Variants in BTD observed in about 807,000 individuals in gnomAD.
BTD encodes biotinidase, also known as biocytinase.
A neutral mutation model predicts 17.7 loss-of-function variants in BTD; 13 were observed. The observed-to-expected ratio is 0.74, with a 90% CI of 0.48 to 1.17. The LOEUF (loss-of-function observed/expected upper bound fraction) is 1.17. BTD is among the 50% of genes most tolerant of loss of function. The probability of loss-of-function intolerance (pLI) is 0.00; values close to 1 mark genes in which losing one functional copy is unlikely to be tolerated. For synonymous variants in BTD, 240 were observed against 245.2 expected (o/e 0.98, Z 0.20); for missense variants, 674 against 650.4 (o/e 1.04, Z -0.39).
chr3:15,631,145 C>T (rs1402677732), intron 1 of BTD, among the ~76,000 whole-genome samples: 2 of 152,276 alleles, frequency 1.3e-5, no homozygotes, highest in African/African-American at 4.8e-5. Context: ...CAATGTTTTT[C>T]TTGGCATTCA....
intron 3 of BTD, among the ~76,000 whole-genome samples, chr3:15,706,335 G>T (rs970929743): frequency 6.6e-6 from 1 of 151,202 alleles, no homozygotes; most frequent in Non-Finnish European, 1.5e-5. Context: ...GTGAGAACAT[G>T]TGGTGTTTGG....
chr3:15,615,259 C>A (rs559400810), intron 1 of BTD, among the ~76,000 whole-genome samples: 1 of 152,244 alleles, frequency 6.6e-6, no homozygotes, highest in South Asian at 2.1e-4. Flanking sequence ...GAATCATGAA[C>A]CCACATAAGG....
At chr3:15,644,044 A>T (rs963878066) in intron 3 of BTD, among the ~76,000 whole-genome samples, 2 of 151,056 alleles carry the variant, frequency 1.3e-5, no homozygotes, top group African/African-American at 4.9e-5. Context: ...TCTGTCGCCC[A>T]GGCTGGAGTG....
chr3:15,618,005 G>T (rs912591416), intron 1 of BTD, among the ~76,000 whole-genome samples: 2 of 152,176 alleles, frequency 1.3e-5, no homozygotes, highest in African/African-American at 2.4e-5. Context: ...ATCCAGGCTG[G>T]AATGCAGTGG....
intron 3 of BTD, among the ~76,000 whole-genome samples, chr3:15,659,265 C>T (rs1341380881): frequency 6.6e-6 from 1 of 151,980 alleles, no homozygotes; most frequent in Non-Finnish European, 1.5e-5. Flanking sequence ...TAATGAAGGT[C>T]GTGCTTCCAC....
At chr3:15,655,849 C>A (rs2065866207), downstream of BTD, among the ~76,000 whole-genome samples, 1 of 152,228 alleles carries the variant, frequency 6.6e-6, no homozygotes, top group South Asian at 2.1e-4. Context: ...GTTGCCCAGG[C>A]TGGAGTGCAG....
intron 1 of BTD, among the ~76,000 whole-genome samples, chr3:15,618,430 G>A (rs540228493): frequency 1.3e-5 from 2 of 152,248 alleles, no homozygotes; most frequent in East Asian, 3.9e-4. Context: ...ACAGAGTTTT[G>A]TAGTTTTTTC....
intron 1 of BTD, among the ~76,000 whole-genome samples, chr3:15,619,412 C>T (rs890064932): frequency 6.6e-6 from 1 of 152,200 alleles, no homozygotes; most frequent in African/African-American, 2.4e-5. Flanking sequence ...CCTCCACCTC[C>T]TAGGCCATGT....
intron 1 of BTD, among the ~76,000 whole-genome samples, chr3:15,603,924 G>C (rs891135459): frequency 1.3e-5 from 2 of 152,166 alleles, no homozygotes; most frequent in African/African-American, 2.4e-5. Flanking sequence ...CCACAGCCTT[G>C]GGCAGCTCTG....
At chr3:15,641,496 T>A (rs767748178) in intron 2 of BTD, among the ~76,000 whole-genome samples, 3 of 152,224 alleles carry the variant, frequency 2.0e-5, no homozygotes, top group Non-Finnish European at 2.9e-5. Flanking sequence ...ACCACCAGAC[T>A]GAAGATACCA....
At chr3:15,698,134 C>T (rs112680227) in intron 3 of BTD, among the ~76,000 whole-genome samples, 8 of 151,906 alleles carry the variant, frequency 5.3e-5, no homozygotes, top group African/African-American at 1.7e-4. Context: ...GTCTTGCTAG[C>T]GGTCTGTCTG....
intron 1 of BTD, among the ~76,000 whole-genome samples, chr3:15,630,688 T>C (rs569441966): frequency 3.9e-4 from 59 of 152,360 alleles, no homozygotes; most frequent in African/African-American, 1.3e-3. Context: ...AGCTGGAATT[T>C]TTTTTGAAAG....
chr3:15,644,096 G>C lies in BTD; in HGVS notation c.400-220G>C, dbSNP rs1241250313. On this transcript the variant is annotated intron_variant, in intron 3 of 3. Transcript: ENST00000643237. ...GCTCACTGCAAGCTCCGCCTACTGG[G>C]TTCACGCCATTCTCCTGCCTCAGCC... Among the ~76,000 whole-genome samples, 3 of 151,930 alleles carry C rather than the reference G, an allele frequency of 2.0e-5. No homozygotes were observed. The East Asian group carries it at 5.8e-4, about 29-fold the overall frequency.
chr3:15,672,075 C>G (rs1298098030), intron 3 of BTD, among the ~76,000 whole-genome samples: 1 of 151,852 alleles, frequency 6.6e-6, no homozygotes, highest in Non-Finnish European at 1.5e-5. Flanking sequence ...ATTTCAACTA[C>G]TGGGCATCTG....
At chr3:15,663,749 TAAA>T (rs199831203) in intron 3 of BTD, among the ~76,000 whole-genome samples, 1 of 152,158 alleles carries the variant, frequency 6.6e-6, no homozygotes, top group East Asian at 1.9e-4. Context: ...TATTAATCTT[TAAA>T]AAAACCCAAG....
At position 15,620,196 on chromosome 3, in the gene BTD, G is replaced by A. The variant is rs182678278; in HGVS notation, c.-16-15228G>A. Among the ~76,000 whole-genome samples the A allele has an allele frequency of 6.7e-3, 1,017 of 152,232 alleles. 8 individuals are homozygous for A. The highest frequency in any genetic ancestry group is 0.023 in the African/African-American group (966 of 41,522). ...AAGAGCAGAGAACCAGTCTGACCAC[G>A]GATTTACCAGGGCTGAGTTTTCCCA... On this transcript the variant is annotated intron_variant, in intron 1 of 3. Transcript: ENST00000643237.
intron 3 of BTD, chr3:15,679,254 G>T: frequency 6.4e-7 from 1 of 1,550,668 alleles, no homozygotes; most frequent in Non-Finnish European, 8.9e-7. Context: ...ATAGGCATGA[G>T]CCACTGTGCC....
chr3:15,641,917 A>C lies in BTD; in HGVS notation c.259A>C (p.Ile87Leu). 6.2e-7 allele frequency: 1 copy of C among 1,610,898 alleles called. No individual in the cohort carries two copies. Among genetic ancestry groups the C allele is most frequent in the Non-Finnish European group, 8.5e-7 (1 of 1,177,486 alleles). Reference protein sequence around the residue: ...VMTAAQKDVQIIVFPEDGIHG... With the variant: ...VMTAAQKDVQLIVFPEDGIHG... ...ATGTTTTCATTTTCAGGATGTACAG[A>C]TTATAGTGTTTCCAGAAGATGGCAT... The change falls in exon 3 of 4, where the codon ATT (isoleucine) becomes CTT (leucine). Residue 87 changes from isoleucine (I) to leucine (L), a missense_variant. By Grantham distance (5) the Ile-to-Leu change is conservative. Coordinates refer to ENST00000643237, the MANE Select transcript of BTD (RefSeq NM_001370658.1).
chr3:15,612,268 C>G (rs2064658654), intron 1 of BTD, among the ~76,000 whole-genome samples: 1 of 152,188 alleles, frequency 6.6e-6, no homozygotes, highest in Non-Finnish European at 1.5e-5. Context: ...AGATTACCCT[C>G]TATGCATTTT....
Sources: allele counts gnomAD v4.1 joint callset (sites outside exome capture counted in the v4.1 genomes callset), GRCh38; gene constraint gnomAD v4.1.1; transcripts MANE v1.5; gene names NCBI Gene and HGNC (gene_info 2026-07-23, HGNC 2026-07-21).